The following FAM25A variants were observed in gnomAD, a reference collection of about 807,000 sequenced individuals.
The protein encoded by FAM25A is protein FAM25A.
FAM25A carries 5 observed loss-of-function variants against 6.6 expected under a neutral mutation model. That is an observed-to-expected ratio of 0.75 (90% CI 0.39 to 1.59). The LOEUF is 1.59. Ranked by LOEUF, FAM25A falls within the 40% of genes most tolerant of loss-of-function variation. FAM25A has a pLI of 0.02. For missense variants in FAM25A, 93 were observed against 109.7 expected (o/e 0.85, Z 0.68); for synonymous variants, 36 against 41.3 (o/e 0.87, Z 0.49).
At chr10:87,024,475 C>A in intron 2 of FAM25A, 66 bp from the exon 3 acceptor site, 1 of 1,535,616 alleles carries the variant, frequency 6.5e-7, no homozygotes, top group Non-Finnish European at 8.7e-7. Flanking sequence ...ATCCCACAGG[C>A]CACTCAAGGG....
intron 1 of FAM25A, among the ~76,000 whole-genome samples, chr10:87,021,306 C>T (rs796151866): frequency 2.6e-5 from 4 of 152,328 alleles, no homozygotes; most frequent in African/African-American, 9.6e-5. Flanking sequence ...CTGCTTTAAC[C>T]TTTCACTAGC....
chr10:87,021,229 T>C (rs1345628594), intron 1 of FAM25A, among the ~76,000 whole-genome samples: 8 of 152,220 alleles, frequency 5.3e-5, no homozygotes, highest in Non-Finnish European at 1.0e-4. Context: ...TGCCTGAGTT[T>C]GTGTCCTCTT....
intron 1 of FAM25A, 83 bp downstream of exon 1, chr10:87,020,480 G>A (rs1845320845): frequency 1.3e-6 from 2 of 1,509,296 alleles, no homozygotes; most frequent in Admixed American, 4.3e-5. Context: ...TAAGTAGGCA[G>A]GTGAGGACCT....
chr10:87,021,425 C>T lies in FAM25A; in HGVS notation c.74-889C>T, dbSNP rs1845328772. ...TCCTTGCTTCTAGCACTCCCATTTT[C>T]TCAAGTAGCCGTATGTTTCTCATTC... On this transcript the variant is annotated intron_variant, in intron 1 of 2. Transcript: ENST00000343959. 2.6e-5 allele frequency among the ~76,000 whole-genome samples: 4 copies of T among 152,312 alleles called. No homozygotes were observed. The South Asian group carries it at 6.2e-4, about 24-fold the overall frequency.
chr10:87,020,839 G>T (rs147679320), intron 1 of FAM25A, among the ~76,000 whole-genome samples: 12,750 of 152,052 alleles, frequency 0.084, 664 homozygotes, highest in Admixed American at 0.13. Flanking sequence ...ATTTTTATTT[G>T]TATTTGAAAT....
chr10:87,024,149 T>A, intron 2 of FAM25A, among the ~76,000 whole-genome samples: 1 of 120,852 alleles, frequency 8.3e-6, no homozygotes, highest in Non-Finnish European at 1.7e-5. Flanking sequence ...AAACTGAAAT[T>A]TTCTATAGCC....
intron 2 of FAM25A, among the ~76,000 whole-genome samples, chr10:87,023,990 A>G (rs984286006): frequency 1.4e-4 from 22 of 152,160 alleles, no homozygotes; most frequent in Non-Finnish European, 2.8e-4. Flanking sequence ...ATTTCAACGT[A>G]TGAGTTTTGA....
chr10:87,023,352 A>G (rs1845348112), intron 2 of FAM25A, among the ~76,000 whole-genome samples: 1 of 152,254 alleles, frequency 6.6e-6, no homozygotes, highest in Admixed American at 6.5e-5. Context: ...TTCCAGGTAG[A>G]TGAAGGACTT....
intron 1 of FAM25A, among the ~76,000 whole-genome samples, chr10:87,021,155 A>G (rs1261524448): frequency 6.6e-6 from 1 of 152,240 alleles, no homozygotes; most frequent in Non-Finnish European, 1.5e-5. Context: ...TTCAGAGGTC[A>G]GCAGCTATGT....
intron 1 of FAM25A, among the ~76,000 whole-genome samples, chr10:87,020,940 G>A (rs1305722470): frequency 6.6e-6 from 1 of 152,128 alleles, no homozygotes; most frequent in Non-Finnish European, 1.5e-5. Context: ...TGATTCTCAT[G>A]CCTTAGCCTC....
At chr10:87,020,464 C>T (rs550177937) in intron 1 of FAM25A, 67 bp downstream of exon 1, 134 of 1,532,696 alleles carry the variant, frequency 8.7e-5, no homozygotes, top group African/African-American at 8.3e-5. Flanking sequence ...CTGTGGGAGG[C>T]GGATCTAAGT....
rs183710110 is a variant in FAM25A at position 87,020,355 on chromosome 10, G to A, written c.31G>A (p.Glu11Lys). ...GGGAGGCCTGGGGAAGCTGGCTGCC[G>A]AAGGCCTGGCCCACCGCACCGAGAA... The part of the protein sequence containing the change: MLGGLGKLAA[E>K]GLAHRTEKAT... The change falls in exon 1 of 3, where the codon GAA becomes AAA. Residue 11 changes from glutamate (E) to lysine (K), a missense_variant. Coordinates refer to ENST00000343959, the MANE Select transcript of FAM25A (RefSeq NM_001146157.3). 1.5e-5 allele frequency: 23 copies of A among 1,549,300 alleles called. No individual in the cohort carries two copies. Among genetic ancestry groups the A allele is most frequent in the African/African-American group, 2.7e-5 (2 of 72,944 alleles).
At chr10:87,021,735 A>C (rs1168265616) in intron 1 of FAM25A, among the ~76,000 whole-genome samples, 4 of 152,210 alleles carry the variant, frequency 2.6e-5, no homozygotes, top group African/African-American at 9.7e-5. Flanking sequence ...AATAAGAACC[A>C]TTTCTTCTGA....
chr10:87,021,644 G>A (rs375901810), intron 1 of FAM25A, among the ~76,000 whole-genome samples: 7 of 152,276 alleles, frequency 4.6e-5, no homozygotes, highest in Admixed American at 1.3e-4. Context: ...TGCCGCCCCC[G>A]CGACCTGGTG....
intron 1 of FAM25A, 45 bp from the exon 2 acceptor site, chr10:87,022,269 G>C (rs7079456): frequency 6.5e-7 from 1 of 1,547,174 alleles, no homozygotes; most frequent in Non-Finnish European, 8.7e-7. Context: ...GGAGGGCAGC[G>C]GCTCTGCTCT....
intron 2 of FAM25A, among the ~76,000 whole-genome samples, chr10:87,024,059 C>A (rs1845355716): frequency 6.6e-6 from 1 of 151,718 alleles, no homozygotes; most frequent in Non-Finnish European, 1.5e-5. Context: ...TTGGCCTAAT[C>A]TTGGAGAGGG....
intron 2 of FAM25A, among the ~76,000 whole-genome samples, chr10:87,023,037 C>T (rs1405112435): frequency 2.0e-5 from 3 of 151,074 alleles, no homozygotes; most frequent in Non-Finnish European, 4.4e-5. Context: ...ATCCAGACCA[C>T]GGTGAAACCC....
At chr10:87,022,902 G>T (rs1249515151) in intron 2 of FAM25A, among the ~76,000 whole-genome samples, 5 of 144,540 alleles carry the variant, frequency 3.5e-5, no homozygotes, top group African/African-American at 1.3e-4. Flanking sequence ...ACTCCAGCCT[G>T]GGCTACAGAG....
chr10:87,023,237 T>G (rs534328686), intron 2 of FAM25A, among the ~76,000 whole-genome samples: 86 of 145,326 alleles, frequency 5.9e-4, no homozygotes, highest in Admixed American at 8.1e-4. Context: ...AAAAAAAAAT[T>G]TAACATGTAA....
Sources: gnomAD v4.1 joint callset for allele counts (sites outside exome capture counted in the v4.1 genomes callset) on GRCh38, gnomAD v4.1.1 for gene constraint, MANE v1.5 for transcripts, NCBI Gene and HGNC (gene_info 2026-07-23, HGNC 2026-07-21) for gene names.